The following MIPOL1 variants were observed in gnomAD, a reference collection of about 807,000 sequenced individuals.
MIPOL1 encodes the protein mirror-image polydactyly 1.
Under a neutral mutation model 60.9 loss-of-function variants are expected in MIPOL1, and 57 were observed. That is an observed-to-expected ratio of 0.94 (90% CI 0.76 to 1.17). The LOEUF (loss-of-function observed/expected upper bound fraction) is 1.17. Among genes scored for constraint, MIPOL1 ranks in the 50% most tolerant of loss-of-function variants. The probability of loss-of-function intolerance (pLI) is 0.00; values close to 1 mark genes in which losing one functional copy is unlikely to be tolerated. For synonymous variants in MIPOL1, 179 were observed against 168.8 expected (o/e 1.06, Z -0.47); for missense variants, 551 against 511.6 (o/e 1.08, Z -0.74).
At position 37,528,271 on chromosome 14, in the gene MIPOL1, TTATA is replaced by T. The variant is rs750570566; in HGVS notation, c.1263-18629_1263-18626del. On this transcript the variant is annotated intron_variant, in intron 12 of 12. Transcript: ENST00000684589. ...ATATTATGAAAAACTTCCTATGTTA[TTATA>T]TATAATCTTTTACATATGAAGAATA... Among the ~76,000 whole-genome samples the T allele has an allele frequency of 5.3e-5, 8 of 152,152 alleles. No homozygotes were observed. The South Asian group carries it at 1.5e-3, about 28-fold the overall frequency.
At chr14:37,368,552 T>A (rs930651723) in intron 9 of MIPOL1, among the ~76,000 whole-genome samples, 1 of 152,086 alleles carries the variant, frequency 6.6e-6, no homozygotes, top group Non-Finnish European at 1.5e-5. Context: ...TTTTTCCAGA[T>A]CTTAAATCAG....
intron 12 of MIPOL1, among the ~76,000 whole-genome samples, chr14:37,528,846 A>G (rs538131294): frequency 6.6e-6 from 1 of 152,300 alleles, no homozygotes; most frequent in East Asian, 1.9e-4. Flanking sequence ...AAAGAGCTTC[A>G]CTGCTATAGT....
intron 11 of MIPOL1, among the ~76,000 whole-genome samples, chr14:37,438,555 C>A (rs1209005133): frequency 1.3e-5 from 2 of 152,148 alleles, no homozygotes; most frequent in Admixed American, 1.3e-4. Flanking sequence ...CTACTCATGC[C>A]TCCCTCAGAA....
chr14:37,293,771 C>T lies in MIPOL1; in HGVS notation c.623+8324C>T, dbSNP rs117597407. On this transcript the variant is annotated intron_variant, in intron 7 of 12. Coordinates refer to ENST00000684589, the MANE Select transcript of MIPOL1 (RefSeq NM_001388067.1). ...CAGCGAGGCTTTGGTGGGGGGTGCCCGCCATTGCTCAGGCTTGAGTAGGTA... is the reference window on the plus strand; with the variant it reads ...CAGCGAGGCTTTGGTGGGGGGTGCCTGCCATTGCTCAGGCTTGAGTAGGTA... 1.6e-3 allele frequency among the ~76,000 whole-genome samples: 248 copies of T among 152,256 alleles called. 5 individuals carry two copies. In the East Asian group the frequency reaches 0.033, roughly 20 times the overall value.
At chr14:37,252,630 G>A (rs1052675628) in intron 3 of MIPOL1, among the ~76,000 whole-genome samples, 5 of 151,952 alleles carry the variant, frequency 3.3e-5, no homozygotes, top group African/African-American at 9.6e-5. Context: ...GAACCTGTGT[G>A]CCACCATCAA....
At chr14:37,450,852 A>C (rs2094406763) in intron 11 of MIPOL1, among the ~76,000 whole-genome samples, 1 of 152,128 alleles carries the variant, frequency 6.6e-6, no homozygotes, top group African/African-American at 2.4e-5. Context: ...TTATTTGTAT[A>C]AATATAAAAT....
chr14:37,480,091 C>G (rs2094839564), intron 11 of MIPOL1, among the ~76,000 whole-genome samples: 1 of 151,872 alleles, frequency 6.6e-6, no homozygotes, highest in East Asian at 1.9e-4. Context: ...AACTTCACTG[C>G]TGAATTCAAC....
At chr14:37,374,168 G>A (rs188741958) in intron 10 of MIPOL1, among the ~76,000 whole-genome samples, 1 of 152,090 alleles carries the variant, frequency 6.6e-6, no homozygotes, top group Non-Finnish European at 1.5e-5. Context: ...TTTGTTGGCT[G>A]CATAAATGTC....
At chr14:37,320,538 A>T (rs2088462417) in intron 9 of MIPOL1, among the ~76,000 whole-genome samples, 1 of 152,166 alleles carries the variant, frequency 6.6e-6, no homozygotes, top group South Asian at 2.1e-4. Flanking sequence ...ATATATTTAT[A>T]CAGTCTGTGG....
intron 9 of MIPOL1, among the ~76,000 whole-genome samples, chr14:37,326,481 TAAG>T (rs2089173585): frequency 6.6e-6 from 1 of 152,026 alleles, no homozygotes; most frequent in South Asian, 2.1e-4. Context: ...TCTATTCTAA[TAAG>T]AAGAGAGCAC....
intron 11 of MIPOL1, among the ~76,000 whole-genome samples, chr14:37,431,758 T>G (rs75052070): frequency 1.3e-5 from 2 of 150,750 alleles, no homozygotes; most frequent in Non-Finnish European, 3.0e-5. Context: ...TTTTTTTTTT[T>G]GTACTTTTAG....
In MIPOL1 at chr14:37,309,102, TTTTATTTA is replaced by T. The variant is rs59311227; in HGVS notation, c.828+616_828+623del. On this transcript the variant is annotated intron_variant, in intron 9 of 12. Transcript: ENST00000684589. ...GGGCTTGGAGGCTTGTTTCTTGTTA[TTTTATTTA>T]TTTATTTATTTATTTATTTATTTAT... Among the ~76,000 whole-genome samples the T allele has an allele frequency of 6.1e-3, 872 of 142,734 alleles. 10 individuals carry two copies. The highest frequency in any genetic ancestry group is 0.021 in the African/African-American group (804 of 38,244). 93.6% of individuals were successfully genotyped at this position (142,734 alleles called of 152,430 possible). A position where few individuals can be genotyped will look rare whatever the true frequency, so the allele number is the denominator to read the frequency against.
At chr14:37,262,394 A>T (rs1181533435) in intron 3 of MIPOL1, among the ~76,000 whole-genome samples, 1 of 152,058 alleles carries the variant, frequency 6.6e-6, no homozygotes, top group African/African-American at 2.4e-5. Flanking sequence ...CATCACATCA[A>T]ATTTGCACTC....
intron 10 of MIPOL1, among the ~76,000 whole-genome samples, chr14:37,394,110 A>C (rs1274794961): frequency 7.4e-6 from 1 of 134,654 alleles, no homozygotes; most frequent in Admixed American, 8.2e-5. Flanking sequence ...ATATATATAT[A>C]TCCACAGTTT....
intron 3 of MIPOL1, among the ~76,000 whole-genome samples, chr14:37,254,313 CA>C (rs1175633169): frequency 4.0e-5 from 6 of 151,474 alleles, no homozygotes; most frequent in African/African-American, 1.5e-4. Flanking sequence ...AATGAAAAAA[CA>C]AAAAATGTTT....
chr14:37,543,817 C>T (rs902752030), intron 12 of MIPOL1, among the ~76,000 whole-genome samples: 18 of 152,224 alleles, frequency 1.2e-4, no homozygotes, highest in Middle Eastern at 3.4e-3. Context: ...AGTTAAAACC[C>T]TTTCATTGTG....
intron 10 of MIPOL1, among the ~76,000 whole-genome samples, chr14:37,406,964 G>A (rs576527047): frequency 3.3e-5 from 5 of 152,130 alleles, no homozygotes; most frequent in African/African-American, 7.2e-5. Flanking sequence ...ACAGATTTAC[G>A]ATTTTAGTAT....
At chr14:37,341,494 T>G (rs7151222) in intron 9 of MIPOL1, among the ~76,000 whole-genome samples, 100,873 of 152,112 alleles carry the variant, frequency 0.66, 33,545 homozygotes, top group African/African-American at 0.69. Flanking sequence ...AGGTAATAAT[T>G]CTGTATATCA....
chr14:37,241,063 G>A (rs976501999), intron 1 of MIPOL1, among the ~76,000 whole-genome samples: 5 of 152,062 alleles, frequency 3.3e-5, no homozygotes, highest in Admixed American at 6.6e-5. Context: ...AGCCAGTAGC[G>A]CAATTCTGGT....
Sources: gnomAD v4.1 joint callset for allele counts (sites outside exome capture counted in the v4.1 genomes callset) on GRCh38, gnomAD v4.1.1 for gene constraint, MANE v1.5 for transcripts, NCBI Gene and HGNC (gene_info 2026-07-23, HGNC 2026-07-21) for gene names.